The following CCBE1 variants were observed in gnomAD, a reference collection of about 807,000 sequenced individuals.
CCBE1 encodes the protein collagen and calcium-binding EGF domain-containing protein 1.
Under a neutral mutation model 50.0 loss-of-function variants are expected in CCBE1, and 37 were observed. That is an observed-to-expected ratio of 0.74 (90% CI 0.57 to 0.97). The LOEUF is 0.97. Ranked by LOEUF, CCBE1 falls within the 50% of genes least tolerant of loss-of-function variation. The probability of loss-of-function intolerance (pLI) is 0.00; values close to 1 mark genes in which losing one functional copy is unlikely to be tolerated. For missense variants in CCBE1, 538 were observed against 523.8 expected, an observed-to-expected ratio of 1.03 and a Z score of -0.26; for synonymous variants, 234 against 203.7, an observed-to-expected ratio of 1.15 and a Z score of -1.27.
intron 2 of CCBE1, among the ~76,000 whole-genome samples, chr18:59,503,785 C>T (rs1180196325): frequency 3.3e-5 from 5 of 152,208 alleles, no homozygotes. Context: ...ACAGGCCCCA[C>T]TTCACTTCTT....
rs559624092 is a variant in CCBE1, at chr18:59,439,079, G to A, written c.951+464C>T. Reference sequence around the variant, plus strand: ...AGGTGGGCGGATCACGAAGTCAGGAGATGGAGACCATCCTGGCTAACACGA... The same window carrying A: ...AGGTGGGCGGATCACGAAGTCAGGAAATGGAGACCATCCTGGCTAACACGA... On this transcript the variant is annotated intron_variant, in intron 9 of 10. Transcript: ENST00000439986. Among the ~76,000 whole-genome samples, 5 of 152,314 alleles carry A rather than the reference G, an allele frequency of 3.3e-5. No individual in the cohort carries two copies. In the East Asian group the frequency reaches 7.7e-4, roughly 24 times the overall value.
chr18:59,619,701 C>T (rs2053687102), intron 2 of CCBE1, among the ~76,000 whole-genome samples: 1 of 152,114 alleles, frequency 6.6e-6, no homozygotes, highest in South Asian at 2.1e-4. Context: ...TCTCATTATC[C>T]TTGTTTGGAA....
intron 2 of CCBE1, among the ~76,000 whole-genome samples, chr18:59,640,195 A>G (rs2053968142): frequency 6.6e-6 from 1 of 152,228 alleles, no homozygotes; most frequent in Non-Finnish European, 1.5e-5. Context: ...TCTAAACAAA[A>G]AGAATAGAGA....
intron 2 of CCBE1, among the ~76,000 whole-genome samples, chr18:59,583,783 G>C (rs1599034971): frequency 6.6e-6 from 1 of 152,212 alleles, no homozygotes; most frequent in East Asian, 1.9e-4. Context: ...CTTAAGGGCT[G>C]CCTTTTTATT....
At chr18:59,625,784 T>C (rs1199417310) in intron 2 of CCBE1, among the ~76,000 whole-genome samples, 1 of 152,128 alleles carries the variant, frequency 6.6e-6, no homozygotes, top group East Asian at 1.9e-4. Context: ...TGAAACTTGA[T>C]TCCCATTGTG....
intron 2 of CCBE1, among the ~76,000 whole-genome samples, chr18:59,581,072 G>C (rs1275149494): frequency 2.0e-5 from 3 of 152,172 alleles, no homozygotes; most frequent in African/African-American, 7.2e-5. Context: ...TGACACTGAG[G>C]GGAGGCTGAG....
chr18:59,682,402 G>A (rs2054601725), intron 2 of CCBE1, among the ~76,000 whole-genome samples: 1 of 152,112 alleles, frequency 6.6e-6, no homozygotes, highest in African/African-American at 2.4e-5. Flanking sequence ...AGAACCACGT[G>A]CTATCTGGTT....
intron 2 of CCBE1, among the ~76,000 whole-genome samples, chr18:59,530,257 G>A (rs1914996868): frequency 6.6e-6 from 1 of 152,028 alleles, no homozygotes; most frequent in Admixed American, 6.5e-5. Flanking sequence ...CAAGGTGGGT[G>A]TTGGCAGCAC....
intron 2 of CCBE1, among the ~76,000 whole-genome samples, chr18:59,580,816 T>A (rs1348220675): frequency 1.3e-5 from 2 of 152,154 alleles, no homozygotes; most frequent in Non-Finnish European, 2.9e-5. Context: ...CTAGCCCATA[T>A]GTTGATGCCA....
chr18:59,555,922 T>C (rs2052650448), intron 2 of CCBE1, among the ~76,000 whole-genome samples: 1 of 152,136 alleles, frequency 6.6e-6, no homozygotes, highest in African/African-American at 2.4e-5. Context: ...GCTCAGGAGA[T>C]TGGGGGTGTC....
At chr18:59,455,010 G>A in intron 5 of CCBE1, 59 bp from the exon 6 acceptor site, 1 of 1,379,806 alleles carries the variant, frequency 7.2e-7, no homozygotes, top group African/African-American at 1.4e-5. Flanking sequence ...CAGACCCAGA[G>A]AGACAGCATC....
intron 2 of CCBE1, among the ~76,000 whole-genome samples, chr18:59,489,277 C>G (rs1912975263): frequency 1.3e-5 from 2 of 152,246 alleles, no homozygotes; most frequent in South Asian, 4.1e-4. Context: ...TCCTCTCTAT[C>G]TCCCTGGCAT....
At chr18:59,474,321 C>T (rs640994) in intron 3 of CCBE1, among the ~76,000 whole-genome samples, 131,005 of 152,250 alleles carry the variant, frequency 0.86, 56,435 homozygotes, top group East Asian at 0.96. Flanking sequence ...AGTTTATTCA[C>T]GGTGTATTTA....
intron 2 of CCBE1, among the ~76,000 whole-genome samples, chr18:59,601,724 C>A (rs190891109): frequency 6.6e-6 from 1 of 152,294 alleles, no homozygotes; most frequent in East Asian, 1.9e-4. Context: ...CTTTTATTAT[C>A]ATCTAACATC....
chr18:59,636,814 C>T (rs1455607086), intron 2 of CCBE1, among the ~76,000 whole-genome samples: 1 of 152,166 alleles, frequency 6.6e-6, no homozygotes, highest in Non-Finnish European at 1.5e-5. Flanking sequence ...CAGATACTGA[C>T]TGTAAAATAA....
At chr18:59,526,837 CTT>C (rs1568187687) in intron 2 of CCBE1, among the ~76,000 whole-genome samples, 1 of 152,120 alleles carries the variant, frequency 6.6e-6, no homozygotes, top group Non-Finnish European at 1.5e-5. Context: ...GTTTCTTACT[CTT>C]GAGTTCTAAT....
In CCBE1 at chr18:59,485,569, C is replaced by T. The variant is rs552817317; in HGVS notation, c.213-5331G>A. ...TTCCTTGCATGGCTGCTTATTCATGCGCCAGATATATCAGATATTTATTTA... is the reference window on the plus strand; with the variant it reads ...TTCCTTGCATGGCTGCTTATTCATGTGCCAGATATATCAGATATTTATTTA... On this transcript the variant is annotated intron_variant, in intron 2 of 10. Coordinates refer to ENST00000439986, the MANE Select transcript of CCBE1 (RefSeq NM_133459.4). 7.5e-4 allele frequency among the ~76,000 whole-genome samples: 111 copies of T among 147,032 alleles called. 1 individual carries two copies. Among genetic ancestry groups the T allele is most frequent in the Admixed American group, 1.2e-3 (18 of 14,580 alleles).
At chr18:59,498,016 G>A (rs894172340) in intron 2 of CCBE1, among the ~76,000 whole-genome samples, 15 of 152,184 alleles carry the variant, frequency 9.9e-5, no homozygotes, top group Admixed American at 7.9e-4. Flanking sequence ...CCAACAATGC[G>A]AGTGAGAAGA....
chr18:59,493,641 C>T (rs998108037), intron 2 of CCBE1, among the ~76,000 whole-genome samples: 1 of 152,060 alleles, frequency 6.6e-6, no homozygotes, highest in East Asian at 1.9e-4. Context: ...CTGCTGGGCT[C>T]CAGAGCCCAC....
Sources: gnomAD v4.1 joint callset for allele counts (sites outside exome capture counted in the v4.1 genomes callset) on GRCh38, gnomAD v4.1.1 for gene constraint, MANE v1.5 for transcripts, NCBI Gene and HGNC (gene_info 2026-07-23, HGNC 2026-07-21) for gene names.